Variants in OR51B5 observed in about 807,000 individuals in gnomAD.
The protein encoded by OR51B5 is olfactory receptor family 51 subfamily B member 5.
For missense variants in OR51B5, 456 were observed against 374.6 expected (o/e 1.22, Z -1.79); for synonymous variants, 186 against 144.8 (o/e 1.28, Z -2.04).
At chr11:5,377,759 G>T (rs546813637) in intron 1 of OR51B5, among the ~76,000 whole-genome samples, 4,582 of 148,552 alleles carry the variant, frequency 0.031, 176 homozygotes, top group African/African-American at 0.11. Flanking sequence ...TACAAGGGAT[G>T]TGAAGGACCT....
chr11:5,449,333 G>C (rs1850811579), intron 1 of OR51B5: 1 of 152,252 alleles, frequency 6.6e-6, no homozygotes, highest in Non-Finnish European at 1.5e-5. Flanking sequence ...GGAAGAACTT[G>C]TTCTGTGGGT....
chr11:5,448,599 A>T (rs1330577859), intron 1 of OR51B5, among the ~76,000 whole-genome samples: 1 of 152,196 alleles, frequency 6.6e-6, no homozygotes, highest in East Asian at 1.9e-4. Flanking sequence ...GAGAACAAGT[A>T]AAAAATGAGA....
At chr11:5,387,774 G>C (rs1028809415) in intron 1 of OR51B5, among the ~76,000 whole-genome samples, 3 of 151,998 alleles carry the variant, frequency 2.0e-5, no homozygotes, top group Non-Finnish European at 4.4e-5. Context: ...CTCTGATTTT[G>C]ATTTCTTCTC....
intron 1 of OR51B5, among the ~76,000 whole-genome samples, chr11:5,371,316 G>T (rs1849444390): frequency 6.6e-6 from 1 of 151,920 alleles, no homozygotes; most frequent in African/African-American, 2.4e-5. Context: ...CAAAAAAATT[G>T]AACATATAAT....
At chr11:5,450,360 C>T (rs1850825696) in intron 1 of OR51B5, among the ~76,000 whole-genome samples, 1 of 151,982 alleles carries the variant, frequency 6.6e-6, no homozygotes, top group African/African-American at 2.4e-5. Context: ...CTGCACTCCA[C>T]CCTGGATGAT....
In OR51B5 at chr11:5,454,179, C is replaced by T. The variant is rs141274915; in HGVS notation, n.84+51390G>A. 4,111 of 1,611,070 alleles carry T rather than the reference C, an allele frequency of 2.6e-3. 31 individuals carry two copies. Among genetic ancestry groups the T allele is most frequent in the African/African-American group, 0.021 (1,547 of 74,856 alleles). On this transcript the variant is annotated intron_variant and non_coding_transcript_variant, in intron 1 of 4. Transcript: ENST00000415970. ...GCGTTCTGTCATGGCCACTGCTTCC[C>T]GTGAGGAACGCCTCAAAGCTCTCAA...
chr11:5,343,147 G>T, exon 1 of OR51B5: 1 of 1,613,818 alleles, frequency 6.2e-7, no homozygotes, highest in Non-Finnish European at 8.5e-7. Context: ...ATCTAAGAGG[G>T]TTGCAGATGG....
At chr11:5,489,452 G>A (rs147388113) in intron 1 of OR51B5, 2,094 of 1,613,974 alleles carry the variant, frequency 1.3e-3, no homozygotes, top group Middle Eastern at 5.0e-3. Flanking sequence ...TCCCACATTG[G>A]CATCATCCTG....
intron 1 of OR51B5, among the ~76,000 whole-genome samples, chr11:5,373,456 A>T (rs908575309): frequency 1.3e-5 from 2 of 152,116 alleles, no homozygotes; most frequent in African/African-American, 4.8e-5. Context: ...TCATCTCGCT[A>T]GGGAGTGCCA....
At chr11:5,352,205 C>T (rs1849105016) in intron 1 of OR51B5, 1 of 1,614,040 alleles carries the variant, frequency 6.2e-7, no homozygotes, top group African/African-American at 1.3e-5. Context: ...GGAGAAAGGG[C>T]CAAGGCCCTC....
chr11:5,441,320 G>C, intron 1 of OR51B5: 1 of 1,613,982 alleles, frequency 6.2e-7, no homozygotes, highest in South Asian at 1.1e-5. Context: ...CGAGCATAGA[G>C]AGGAAGTAGT....
At chr11:5,426,782 C>G (rs1172849999) in intron 1 of OR51B5, among the ~76,000 whole-genome samples, 1 of 152,096 alleles carries the variant, frequency 6.6e-6, no homozygotes, top group Non-Finnish European at 1.5e-5. Context: ...CTGAAGTTCC[C>G]TCATCTGATT....
chr11:5,419,143 C>T (rs1850291199), intron 1 of OR51B5, among the ~76,000 whole-genome samples: 1 of 152,206 alleles, frequency 6.6e-6, no homozygotes, highest in South Asian at 2.1e-4. Context: ...TTCTTATCTT[C>T]TCTATGTTTG....
chr11:5,432,409 A>T (rs1265375982), intron 1 of OR51B5, among the ~76,000 whole-genome samples: 1 of 152,180 alleles, frequency 6.6e-6, no homozygotes, highest in African/African-American at 2.4e-5. Context: ...ACTTATTTAT[A>T]CTCTGATCCA....
Position 5,424,533 on chromosome 11 carries a change from G to T in OR51B5, n.85-77623C>A, listed in dbSNP as rs1197292574. On this transcript the variant is annotated intron_variant and non_coding_transcript_variant, in intron 1 of 4. Coordinates refer to the OR51B5 transcript ENST00000415970. ...CCGCCCTCCATCCTCCCAGTACACA[G>T]GTAGGCATTATTCAGAAAGAATCAG... Among the ~76,000 whole-genome samples, 16 of 152,154 alleles carry T rather than the reference G, an allele frequency of 1.1e-4. 1 individual carries two copies. The highest frequency in any genetic ancestry group is 7.8e-4 in the East Asian group (4 of 5,152).
At chr11:5,443,768 C>T (rs1431341121) in intron 1 of OR51B5, among the ~76,000 whole-genome samples, 2 of 152,018 alleles carry the variant, frequency 1.3e-5, no homozygotes, top group African/African-American at 4.8e-5. Context: ...TTGCTTTGTC[C>T]ACAGGAGTGT....
At chr11:5,461,254 G>A (rs1469496563) in intron 1 of OR51B5, among the ~76,000 whole-genome samples, 3 of 152,178 alleles carry the variant, frequency 2.0e-5, no homozygotes, top group Admixed American at 2.0e-4. Flanking sequence ...GAGGCTGCAG[G>A]CCAGGGGGTG....
intron 1 of OR51B5, among the ~76,000 whole-genome samples, chr11:5,463,405 T>A (rs1009059584): frequency 1.7e-4 from 26 of 152,216 alleles, no homozygotes; most frequent in African/African-American, 6.3e-4. Context: ...TCTCAACTAA[T>A]AGAAATGCAA....
chr11:5,454,134 C>T (rs752763809), intron 1 of OR51B5: 7 of 1,614,152 alleles, frequency 4.3e-6, no homozygotes, highest in Non-Finnish European at 4.2e-6. Context: ...TTTTATCTTC[C>T]TCTCCTATGT....
Sources: gnomAD v4.1 joint callset for allele counts (sites outside exome capture counted in the v4.1 genomes callset) on GRCh38, gnomAD v4.1.1 for gene constraint, MANE v1.5 for transcripts, NCBI Gene and HGNC (gene_info 2026-07-23, HGNC 2026-07-21) for gene names.